AXDND1: variants seen among roughly 807,000 people sequenced by gnomAD.
AXDND1 encodes the protein axonemal dynein light chain domain-containing protein 1.
Under a neutral mutation model 137.5 loss-of-function variants are expected in AXDND1, and 110 were observed. That is an observed-to-expected ratio of 0.80 (90% confidence interval 0.69 to 0.94). The LOEUF is 0.94. Ranked by LOEUF, AXDND1 falls within the 40% of genes least tolerant of loss-of-function variation. AXDND1 has a pLI of 0.00. For missense variants in AXDND1, 1,191 were observed against 1,169.8 expected, an observed-to-expected ratio of 1.02 and a Z score of -0.26; for synonymous variants, 414 against 399.7, an observed-to-expected ratio of 1.04 and a Z score of -0.43.
chr1:179,527,517 A>G (rs1670641073), intron 22 of AXDND1, among the ~76,000 whole-genome samples: 1 of 152,160 alleles, frequency 6.6e-6, no homozygotes, highest in Non-Finnish European at 1.5e-5. Context: ...ATACTCATAA[A>G]TTATTGCTGA....
At chr1:179,418,924 C>T (rs1025757841) in intron 12 of AXDND1, among the ~76,000 whole-genome samples, 1 of 151,206 alleles carries the variant, frequency 6.6e-6, no homozygotes, top group Non-Finnish European at 1.5e-5. Flanking sequence ...AGAGACGCTC[C>T]TCACCTCCCA....
In AXDND1 at chr1:179,378,766, A is replaced by T; in HGVS notation, c.495+9A>T. ...TCATTGTGCCCCATAAGGTAAATAA[A>T]GTATTTGACAAATAATCTTCTCTCC... On this transcript the variant is annotated intron_variant, in intron 5 of 25. Coordinates refer to ENST00000367618, the MANE Select transcript of AXDND1 (RefSeq NM_144696.6). 1.3e-6 allele frequency: 2 copies of T among 1,495,246 alleles called. No individual in the cohort carries two copies. The highest frequency in any genetic ancestry group is 1.8e-6 in the Non-Finnish European group (2 of 1,119,330). 92.6% of individuals were successfully genotyped at this position (1,495,246 alleles called of 1,614,324 possible). A position where few individuals can be genotyped will look rare whatever the true frequency, so the allele number is the denominator to read the frequency against.
At chr1:179,407,428 T>C (rs1045116055) in intron 11 of AXDND1, among the ~76,000 whole-genome samples, 2 of 152,138 alleles carry the variant, frequency 1.3e-5, no homozygotes, top group Admixed American at 6.5e-5. Flanking sequence ...GGTTTCACCA[T>C]GTTGGCCAGG....
At chr1:179,503,561 A>G (rs147622681) in intron 20 of AXDND1, among the ~76,000 whole-genome samples, 15 of 151,162 alleles carry the variant, frequency 9.9e-5, no homozygotes, top group African/African-American at 3.2e-4. Context: ...TTTTAATTTT[A>G]TTGTTATTAT....
At chr1:179,487,995 CAA>C (rs71114524) in intron 18 of AXDND1, among the ~76,000 whole-genome samples, 1 of 101,506 alleles carries the variant, frequency 9.9e-6, no homozygotes, top group Non-Finnish European at 1.9e-5. Flanking sequence ...GACCATGTCT[CAA>C]AAAAAAAAAA....
chr1:179,379,359 A>G (rs747758324), intron 5 of AXDND1, 38 bp from the exon 6 acceptor site: 3 of 1,591,574 alleles, frequency 1.9e-6, no homozygotes, highest in East Asian at 2.3e-5. Flanking sequence ...CTCTATTAAT[A>G]TATTCATTCT....
chr1:179,475,035 A>T (rs1037991370), intron 17 of AXDND1, among the ~76,000 whole-genome samples: 4 of 152,242 alleles, frequency 2.6e-5, no homozygotes, highest in African/African-American at 9.6e-5. Context: ...TTGCTTCAAA[A>T]GGTGGTCTTG....
At chr1:179,446,259 C>A (rs1456478161) in intron 16 of AXDND1, among the ~76,000 whole-genome samples, 1 of 152,032 alleles carries the variant, frequency 6.6e-6, no homozygotes, top group Admixed American at 6.6e-5. Flanking sequence ...AGAACAGATA[C>A]CATTGTTCAA....
chr1:179,385,414 G>A lies in AXDND1; in HGVS notation c.863+55G>A, dbSNP rs1649040983. On this transcript the variant is annotated intron_variant, in intron 9 of 25. Transcript: ENST00000367618. ...TCCTTTTGATTTTTATATTAGATTT[G>A]TCTTTATATCTACTTTTGAGAATGC... The A allele has an allele frequency of 3.1e-6, 5 of 1,596,432 alleles. No individual in the cohort carries two copies. The Admixed American group carries it at 6.7e-5, about 22-fold the overall frequency.
At chr1:179,501,388 T>C (rs550674210) in intron 20 of AXDND1, among the ~76,000 whole-genome samples, 2 of 152,298 alleles carry the variant, frequency 1.3e-5, no homozygotes, top group African/African-American at 4.8e-5. Context: ...GCATACAGAA[T>C]TAATGAGGAA....
chr1:179,482,825 A>G (rs977836912), intron 17 of AXDND1, among the ~76,000 whole-genome samples: 1 of 151,796 alleles, frequency 6.6e-6, no homozygotes, highest in Non-Finnish European at 1.5e-5. Context: ...CTCACATAGT[A>G]CTGGCCTGGA....
intron 20 of AXDND1, among the ~76,000 whole-genome samples, chr1:179,503,903 A>G (rs1668275005): frequency 6.6e-6 from 1 of 152,242 alleles, no homozygotes; most frequent in South Asian, 2.1e-4. Context: ...AAGAGCATAG[A>G]TAACGACTGA....
chr1:179,550,536 G>T (rs1203734062), intron 25 of AXDND1: 1 of 152,364 alleles, frequency 6.6e-6, no homozygotes, highest in Non-Finnish European at 1.5e-5. Flanking sequence ...TCCACAAAAA[G>T]AATTCCTTTT....
At chr1:179,427,206 A>G (rs555652709) in intron 12 of AXDND1, among the ~76,000 whole-genome samples, 1 of 152,216 alleles carries the variant, frequency 6.6e-6, no homozygotes, top group South Asian at 2.1e-4. Context: ...AAAACTATAT[A>G]TAGTTTAGTT....
At chr1:179,522,736 G>A (rs1670178493) in intron 21 of AXDND1, among the ~76,000 whole-genome samples, 1 of 151,412 alleles carries the variant, frequency 6.6e-6, no homozygotes, top group South Asian at 2.1e-4. Flanking sequence ...AACTCTGAGA[G>A]TTAAGATTCT....
In AXDND1 at chr1:179,378,777, A is replaced by G; in HGVS notation, c.495+20A>G. On this transcript the variant is annotated intron_variant, in intron 5 of 25. Transcript: ENST00000367618. ...CATAAGGTAAATAAAGTATTTGACA[A>G]ATAATCTTCTCTCCCTCTGTCTACT... 6.8e-7 allele frequency: 1 copy of G among 1,474,842 alleles called. No individual in the cohort carries two copies. The allele number at this position is 1,474,842 out of a possible 1,614,324, so 91.4% of individuals were successfully genotyped here.
intron 16 of AXDND1, among the ~76,000 whole-genome samples, chr1:179,463,177 C>G (rs889225731): frequency 6.6e-6 from 1 of 152,148 alleles, no homozygotes; most frequent in Admixed American, 6.5e-5. Context: ...AATGTGTTTG[C>G]TCTTGCTTCT....
At chr1:179,489,454 T>C (rs1033923791) in intron 18 of AXDND1, among the ~76,000 whole-genome samples, 1 of 152,186 alleles carries the variant, frequency 6.6e-6, no homozygotes, top group African/African-American at 2.4e-5. Context: ...GTTTCAATGA[T>C]AGTATAATCT....
chr1:179,423,024 A>G (rs1656011256), intron 12 of AXDND1, among the ~76,000 whole-genome samples: 1 of 152,136 alleles, frequency 6.6e-6, no homozygotes, highest in Non-Finnish European at 1.5e-5. Flanking sequence ...TTAGTCTCCC[A>G]AAGTGCTGGG....
Sources: gnomAD v4.1 joint callset for allele counts (sites outside exome capture counted in the v4.1 genomes callset) on GRCh38, gnomAD v4.1.1 for gene constraint, MANE v1.5 for transcripts, NCBI Gene and HGNC (gene_info 2026-07-23, HGNC 2026-07-21) for gene names.